Variants in CNOT6 observed in about 807,000 individuals in gnomAD.
CNOT6 encodes CCR4-NOT transcription complex subunit 6.
In CNOT6, 12 loss-of-function variants were observed where a neutral mutation model predicts 61.2. The ratio of observed to expected loss-of-function variants is 0.20; its 90% CI spans 0.13 to 0.32. CNOT6 has a LOEUF of 0.32. Among genes scored for constraint, CNOT6 ranks in the 10% least tolerant of loss-of-function variants. CNOT6 has a pLI of 1.00. For missense variants in CNOT6, 405 were observed against 663.9 expected (o/e 0.61, Z 4.28); for synonymous variants, 225 against 240.6 (o/e 0.94, Z 0.60).
chr5:180,501,831 AAAG>A (rs1198746953), intron 1 of CNOT6, among the ~76,000 whole-genome samples: 2 of 152,170 alleles, frequency 1.3e-5, no homozygotes, highest in African/African-American at 2.4e-5. Flanking sequence ...TAGTGCCAAG[AAAG>A]AAGGAGTTTT....
chr5:180,570,217 G>A (rs1167050404), intron 10 of CNOT6, among the ~76,000 whole-genome samples: 1 of 152,144 alleles, frequency 6.6e-6, no homozygotes, highest in Non-Finnish European at 1.5e-5. Context: ...AATTAGCCAG[G>A]CGTGGTGGTG....
chr5:180,574,401 T>C lies in CNOT6; in HGVS notation c.*201T>C, dbSNP rs2127771148. The stretch of plus-strand genomic sequence containing the variant: ...CTGAGCCCAATATGCTTTATACTGC[T>C]AGACAGGGATTGGTGTGTTTGCACC... On this transcript the variant is annotated 3_prime_UTR_variant, in exon 12 of 12. Coordinates refer to ENST00000261951, the MANE Select transcript of CNOT6 (RefSeq NM_001370472.1). The C allele has an allele frequency of 1.7e-6, 1 of 593,388 alleles. No homozygotes were observed. Among genetic ancestry groups the C allele is most frequent in the South Asian group, 2.0e-5 (1 of 49,818 alleles). 36.8% of individuals were successfully genotyped at this position (593,388 alleles called of 1,614,324 possible).
intron 3 of CNOT6, among the ~76,000 whole-genome samples, chr5:180,550,416 C>T (rs1759538753): frequency 6.6e-6 from 1 of 152,132 alleles, no homozygotes; most frequent in Admixed American, 6.6e-5. Context: ...CACCGCTGCA[C>T]TCCAGCCTGG....
Position 180,499,012 on chromosome 5 carries a change from A to G in CNOT6, c.-3+4249A>G, listed in dbSNP as rs188345749. ...CACCATGTTGGCCAGGCTGGCTTTAAACTCCTGACCTCAAGTGATCTGCCC... is the reference window on the plus strand; with the variant it reads ...CACCATGTTGGCCAGGCTGGCTTTAGACTCCTGACCTCAAGTGATCTGCCC... On this transcript the variant is annotated intron_variant, in intron 1 of 11. Coordinates refer to ENST00000261951, the MANE Select transcript of CNOT6 (RefSeq NM_001370472.1). Among the ~76,000 whole-genome samples, 520 of 152,214 alleles carry G rather than the reference A, an allele frequency of 3.4e-3. 4 individuals carry two copies. The highest frequency in any genetic ancestry group is 0.012 in the African/African-American group (495 of 41,532).
chr5:180,571,138 T>C lies in CNOT6; in HGVS notation c.1259-92T>C, dbSNP rs559435460. 6.0e-4 allele frequency: 492 copies of C among 819,728 alleles called. 1 individual carries two copies. The Middle Eastern group carries it at 7.6e-3, about 13-fold the overall frequency. The allele number at this position is 819,728 out of a possible 1,614,324, so 50.8% of individuals were successfully genotyped here. Reference sequence around the variant, plus strand: ...AAGGAAACATTTTGGAACGTGGGAATATGTATAGTTTAAAACTTCTTACTA... The same window carrying C: ...AAGGAAACATTTTGGAACGTGGGAACATGTATAGTTTAAAACTTCTTACTA... On this transcript the variant is annotated intron_variant, in intron 10 of 11. Transcript: ENST00000261951.
chr5:180,527,800 G>A (rs539226237), intron 1 of CNOT6, among the ~76,000 whole-genome samples: 36 of 152,242 alleles, frequency 2.4e-4, no homozygotes, highest in African/African-American at 8.4e-4. Flanking sequence ...GAACTGGGTC[G>A]CACAGCAGGA....
chr5:180,518,330 ATTGG>A (rs932610017), intron 1 of CNOT6, among the ~76,000 whole-genome samples: 1 of 152,078 alleles, frequency 6.6e-6, no homozygotes, highest in Non-Finnish European at 1.5e-5. Context: ...CCATCTTTTG[ATTGG>A]CCATTTTACA....
At chr5:180,554,378 A>G (rs538636685) in intron 4 of CNOT6, among the ~76,000 whole-genome samples, 16 of 151,218 alleles carry the variant, frequency 1.1e-4, no homozygotes, top group African/African-American at 3.9e-4. Context: ...ACATTGTGGC[A>G]TTGCACTCCA....
intron 4 of CNOT6, among the ~76,000 whole-genome samples, chr5:180,562,185 T>G (rs1760220784): frequency 6.6e-6 from 1 of 152,180 alleles, no homozygotes; most frequent in South Asian, 2.1e-4. Flanking sequence ...TCCTGCAGTC[T>G]TTGGCTATTC....
intron 1 of CNOT6, among the ~76,000 whole-genome samples, chr5:180,496,343 T>C (rs1756614154): frequency 6.6e-6 from 1 of 152,174 alleles, no homozygotes; most frequent in Non-Finnish European, 1.5e-5. Context: ...GACAGACCTT[T>C]CTAGGTGGAG....
intron 2 of CNOT6, among the ~76,000 whole-genome samples, chr5:180,543,708 A>G (rs535491420): frequency 2.6e-5 from 4 of 152,254 alleles, no homozygotes; most frequent in East Asian, 1.9e-4. Context: ...CCAAAATGAA[A>G]GAATGTGTCT....
chr5:180,501,431 C>T (rs150089522), intron 1 of CNOT6, among the ~76,000 whole-genome samples: 189 of 152,258 alleles, frequency 1.2e-3, no homozygotes, highest in African/African-American at 4.4e-3. Context: ...GATTTTTGAT[C>T]CTGTTAAGTT....
intron 1 of CNOT6, among the ~76,000 whole-genome samples, chr5:180,518,337 A>G (rs62405526): frequency 0.022 from 3,281 of 152,274 alleles, 56 homozygotes; most frequent in Non-Finnish European, 0.036. Context: ...TTGATTGGCC[A>G]TTTTACAAAG....
At chr5:180,535,630 A>G (rs1202001312) in intron 2 of CNOT6, among the ~76,000 whole-genome samples, 1 of 152,192 alleles carries the variant, frequency 6.6e-6, no homozygotes, top group Non-Finnish European at 1.5e-5. Context: ...AGTGCAGGTT[A>G]TCTTTTTGAC....
At chr5:180,566,991 C>T in intron 7 of CNOT6, 97 bp from the exon 8 acceptor site, 1 of 1,182,716 alleles carries the variant, frequency 8.5e-7, no homozygotes, top group Non-Finnish European at 1.2e-6. Context: ...CAGACCAGTC[C>T]TTTGAAATTA....
Position 180,522,277 on chromosome 5 carries a change from AT to A in CNOT6, c.-2-6993del, listed in dbSNP as rs372215008. Among the ~76,000 whole-genome samples, 13 of 152,000 alleles carry A rather than the reference AT, an allele frequency of 8.6e-5. No individual in the cohort carries two copies. In the East Asian group the frequency reaches 2.3e-3, roughly 27 times the overall value. On this transcript the variant is annotated intron_variant, in intron 1 of 11. Coordinates refer to ENST00000261951, the MANE Select transcript of CNOT6 (RefSeq NM_001370472.1). ...CAGGTACATGCCACCATGCTGGCTA[AT>A]TTTTGTATTTTTTTTTTGTAGAGAT... is the stretch of plus-strand genomic sequence containing the variant.
intron 2 of CNOT6, chr5:180,534,206 C>T (rs1758552381): frequency 6.5e-6 from 1 of 154,626 alleles, no homozygotes. Context: ...ATCTGTGGGG[C>T]CAGTGGGGGC....
intron 1 of CNOT6, among the ~76,000 whole-genome samples, chr5:180,500,000 C>T (rs1273874284): frequency 6.6e-6 from 1 of 152,112 alleles, no homozygotes; most frequent in Non-Finnish European, 1.5e-5. Flanking sequence ...GTTTATGTGA[C>T]AGAATAGCAC....
chr5:180,512,658 G>A (rs189556816), intron 1 of CNOT6, among the ~76,000 whole-genome samples: 2,015 of 152,290 alleles, frequency 0.013, 29 homozygotes, highest in Admixed American at 0.041. Flanking sequence ...GCGCAGTGGC[G>A]CAATGTCTGC....
Sources: allele counts gnomAD v4.1 joint callset (sites outside exome capture counted in the v4.1 genomes callset), GRCh38; gene constraint gnomAD v4.1.1; transcripts MANE v1.5; gene names NCBI Gene and HGNC (gene_info 2026-07-23, HGNC 2026-07-21).